Variants in NAALADL2 observed in about 807,000 individuals in gnomAD.
The protein encoded by NAALADL2 is N-acetylated alpha-linked acidic dipeptidase like 2, also known as inactive N-acetylated-alpha-linked acidic dipeptidase-like protein 2.
A neutral mutation model predicts 87.2 loss-of-function variants in NAALADL2; 76 were observed. The observed-to-expected ratio is 0.87, with a 90% CI of 0.72 to 1.05. NAALADL2 has a LOEUF of 1.05. Ranked by LOEUF, NAALADL2 falls within the 50% of genes least tolerant of loss-of-function variation. The pLI is 0.00. For missense variants in NAALADL2, 1,089 were observed against 945.8 expected, an observed-to-expected ratio of 1.15 and a Z score of -1.99; for synonymous variants, 354 against 331.0, an observed-to-expected ratio of 1.07 and a Z score of -0.75.
intron 13 of NAALADL2, among the ~76,000 whole-genome samples, chr3:175,798,642 T>C (rs1292498342): frequency 6.6e-6 from 1 of 152,092 alleles, no homozygotes; most frequent in African/African-American, 2.4e-5. Context: ...ATGTATTGAT[T>C]TTCAGTTCTA....
intron 9 of NAALADL2, among the ~76,000 whole-genome samples, chr3:175,566,500 T>A (rs1226158940): frequency 6.6e-6 from 1 of 152,190 alleles, no homozygotes; most frequent in African/African-American, 2.4e-5. Context: ...AACAGATTCA[T>A]TTTTCTTTCT....
intron 1 of NAALADL2, among the ~76,000 whole-genome samples, chr3:174,947,552 G>A (rs1201903237): frequency 6.6e-6 from 1 of 152,068 alleles, no homozygotes; most frequent in Admixed American, 6.5e-5. Context: ...TAAGAAGAAT[G>A]TGGGACTCTC....
At chr3:175,423,202 A>T (rs1340621247) in intron 5 of NAALADL2, among the ~76,000 whole-genome samples, 2 of 147,748 alleles carry the variant, frequency 1.4e-5, no homozygotes, top group African/African-American at 5.0e-5. Flanking sequence ...CACAAAGAAG[A>T]ATTTATTTTT....
intron 3 of NAALADL2, among the ~76,000 whole-genome samples, chr3:174,801,194 T>A (rs1718789884): frequency 6.6e-6 from 1 of 152,214 alleles, no homozygotes; most frequent in African/African-American, 2.4e-5. Context: ...GGTTTGACTG[T>A]GTCCCCACCC....
intron 13 of NAALADL2, among the ~76,000 whole-genome samples, chr3:175,765,418 A>T (rs1332439601): frequency 6.6e-6 from 1 of 152,060 alleles, no homozygotes; most frequent in Non-Finnish European, 1.5e-5. Flanking sequence ...TTTTTCACTC[A>T]TTTTGTCAAT....
At chr3:174,885,635 A>T (rs957457307) in intron 1 of NAALADL2, among the ~76,000 whole-genome samples, 5 of 152,090 alleles carry the variant, frequency 3.3e-5, no homozygotes, top group Admixed American at 2.6e-4. Flanking sequence ...TAATCATATT[A>T]AGCAGCCAAC....
intron 2 of NAALADL2, among the ~76,000 whole-genome samples, chr3:174,718,203 G>A (rs1043750786): frequency 3.3e-5 from 5 of 152,094 alleles, no homozygotes; most frequent in African/African-American, 1.2e-4. Flanking sequence ...CTGCAATGAA[G>A]CATTCTATTT....
At chr3:174,647,645 A>C (rs1299423100) in intron 2 of NAALADL2, among the ~76,000 whole-genome samples, 1 of 152,180 alleles carries the variant, frequency 6.6e-6, no homozygotes, top group African/African-American at 2.4e-5. Flanking sequence ...GGTGTGGGGA[A>C]CCTGACTATT....
intron 10 of NAALADL2, among the ~76,000 whole-genome samples, chr3:175,579,322 T>C (rs1365503435): frequency 6.6e-6 from 1 of 152,130 alleles, no homozygotes; most frequent in African/African-American, 2.4e-5. Context: ...GAAAATAAAC[T>C]AGTGCAATAG....
rs61543609 is a variant in NAALADL2, at chr3:174,941,764, G to GT, written c.43+82323dup. On this transcript the variant is annotated intron_variant, in intron 1 of 13. Coordinates refer to ENST00000454872, the MANE Select transcript of NAALADL2 (RefSeq NM_207015.3). Reference sequence around the variant, plus strand: ...ACTATTATATAATGTACTTCTTTATGTTTTTTTTTATTTTTTGTTGGTTTG... The same window carrying GT: ...ACTATTATATAATGTACTTCTTTATGTTTTTTTTTTATTTTTTGTTGGTTTG... 1.1e-4 allele frequency among the ~76,000 whole-genome samples: 17 copies of GT among 151,656 alleles called. No individual in the cohort carries two copies. The South Asian group carries it at 1.3e-3, about 11-fold the overall frequency.
intron 5 of NAALADL2, among the ~76,000 whole-genome samples, chr3:175,445,089 A>G (rs1456676630): frequency 6.6e-6 from 1 of 152,204 alleles, no homozygotes; most frequent in Non-Finnish European, 1.5e-5. Context: ...AAAAGTTCTG[A>G]AAAATATAGC....
chr3:174,722,157 A>G (rs949394429), intron 2 of NAALADL2, among the ~76,000 whole-genome samples: 7 of 152,064 alleles, frequency 4.6e-5, no homozygotes, highest in Admixed American at 3.3e-4. Context: ...ACTCAATCCA[A>G]TCCCATCCTC....
intron 2 of NAALADL2, among the ~76,000 whole-genome samples, chr3:175,204,602 A>G (rs1443509897): frequency 2.0e-5 from 3 of 152,108 alleles, no homozygotes; most frequent in Admixed American, 1.3e-4. Context: ...AGCAAGAGCA[A>G]TTAGACAAGA....
At chr3:174,856,769 C>T (rs1421448069), upstream of NAALADL2, among the ~76,000 whole-genome samples, 1 of 151,848 alleles carries the variant, frequency 6.6e-6, no homozygotes, top group Non-Finnish European at 1.5e-5. Flanking sequence ...TAAGAACATA[C>T]CTTCTATTTG....
intron 1 of NAALADL2, among the ~76,000 whole-genome samples, chr3:174,522,126 T>C (rs935775922): frequency 6.6e-6 from 1 of 152,020 alleles, no homozygotes. Context: ...CCATGCACAA[T>C]GGCATTCTGT....
intron 13 of NAALADL2, among the ~76,000 whole-genome samples, chr3:175,792,154 A>C (rs2108295935): frequency 6.6e-6 from 1 of 152,314 alleles, no homozygotes; most frequent in Admixed American, 6.5e-5. Context: ...TGGCAGCAAA[A>C]GTTGTTGCAA....
intron 1 of NAALADL2, among the ~76,000 whole-genome samples, chr3:174,899,678 C>A (rs1228657456): frequency 6.6e-6 from 1 of 152,154 alleles, no homozygotes; most frequent in Non-Finnish European, 1.5e-5. Context: ...TTGCTTTATA[C>A]ATTACCCAGC....
At position 174,632,234 on chromosome 3, in the gene NAALADL2, G is replaced by GT. The variant is rs528657381; in HGVS notation, c.-115+81600dup. Among the ~76,000 whole-genome samples the GT allele has an allele frequency of 3.7e-3, 570 of 152,210 alleles. 4 individuals carry two copies. The highest frequency in any genetic ancestry group is 0.013 in the African/African-American group (544 of 41,534). On this transcript the variant is annotated intron_variant, in intron 2 of 3. Transcript: ENST00000434257. Reference sequence around the variant, plus strand: ...TGGATTAATACTATGTTAAAGGATTGTTTAAAAACGCTAAACACGTTCAAT... The same window carrying GT: ...TGGATTAATACTATGTTAAAGGATTGTTTTAAAAACGCTAAACACGTTCAAT...
At chr3:174,725,751 C>T (rs917944432) in intron 2 of NAALADL2, among the ~76,000 whole-genome samples, 2 of 152,132 alleles carry the variant, frequency 1.3e-5, no homozygotes, top group African/African-American at 4.8e-5. Context: ...GTGCCAGAAA[C>T]ATTTCAGAAA....
Sources: gnomAD v4.1 joint callset for allele counts (sites outside exome capture counted in the v4.1 genomes callset) on GRCh38, gnomAD v4.1.1 for gene constraint, MANE v1.5 for transcripts, NCBI Gene and HGNC (gene_info 2026-07-23, HGNC 2026-07-21) for gene names.